The following ZBTB25 variants were observed in gnomAD, a reference collection of about 807,000 sequenced individuals.
The protein encoded by ZBTB25 is zinc finger and BTB domain-containing protein 25.
Under a neutral mutation model 34.2 loss-of-function variants are expected in ZBTB25, and 20 were observed. The ratio of observed to expected loss-of-function variants is 0.58; its 90% CI spans 0.41 to 0.85. ZBTB25 has a LOEUF of 0.85. Among genes scored for constraint, ZBTB25 ranks in the 40% least tolerant of loss-of-function variants. ZBTB25 has a pLI of 0.00. For missense variants in ZBTB25, 437 were observed against 521.8 expected, an observed-to-expected ratio of 0.84 and a Z score of 1.58; for synonymous variants, 175 against 186.4, an observed-to-expected ratio of 0.94 and a Z score of 0.50.
intron 1 of ZBTB25, 65 bp from the exon 2 acceptor site, chr14:64,490,605 T>C: frequency 7.2e-7 from 1 of 1,383,828 alleles, no homozygotes; most frequent in Non-Finnish European, 9.6e-7. Flanking sequence ...TTTTTATTAA[T>C]ACAAAATTGT....
At chr14:64,502,048 C>A (rs758469310) in intron 1 of ZBTB25, among the ~76,000 whole-genome samples, 1 of 152,188 alleles carries the variant, frequency 6.6e-6, no homozygotes, top group Admixed American at 6.5e-5. Flanking sequence ...TACCACAGCC[C>A]AGGTAATGAG....
chr14:64,472,845 T>C (rs1364833986), intron 2 of ZBTB25: 3 of 167,064 alleles, frequency 1.8e-5, no homozygotes, highest in Admixed American at 6.5e-5. Flanking sequence ...TATAAATAAG[T>C]TCTGTTTCAA....
exon 3 of ZBTB25, chr14:64,449,418 C>T (rs1566575634): frequency 6.2e-7 from 1 of 1,611,230 alleles, no homozygotes; most frequent in South Asian, 1.1e-5. Context: ...ATTTTCCATG[C>T]TTTGATATGA....
intron 1 of ZBTB25, chr14:64,502,920 G>C (rs991943595): frequency 1.0e-6 from 1 of 985,438 alleles, no homozygotes; most frequent in Non-Finnish European, 1.2e-6. Context: ...TCTTGTGAGA[G>C]GATCAACAGC....
intron 2 of ZBTB25, chr14:64,465,351 C>CT (rs2078599695): frequency 6.6e-6 from 1 of 152,174 alleles, no homozygotes; most frequent in African/African-American, 2.4e-5. Context: ...AGGCAGGCTG[C>CT]TGCTGCAGGT....
intron 2 of ZBTB25, among the ~76,000 whole-genome samples, chr14:64,452,513 G>A (rs961916576): frequency 6.6e-6 from 1 of 152,200 alleles, no homozygotes; most frequent in Non-Finnish European, 1.5e-5. Context: ...TTCTCTGAAG[G>A]CTTTGCCCCG....
At chr14:64,470,462 C>T (rs1256150) in intron 2 of ZBTB25, 27,680 of 157,408 alleles carry the variant, frequency 0.18, 2,602 homozygotes, top group Middle Eastern at 0.27. Flanking sequence ...TGGTGGTGCA[C>T]GCCTGTAATC....
rs978641405 is a variant in ZBTB25 at position 64,487,176 on chromosome 14, G to A, written c.1055C>T (p.Thr352Ile). 1.2e-6 allele frequency: 2 copies of A among 1,613,952 alleles called. No individual in the cohort carries two copies. Among genetic ancestry groups the A allele is most frequent in the Non-Finnish European group, 1.7e-6 (2 of 1,180,006 alleles). ...TCGAGGGAATTTATGACCACAGATG[G>A]TACAGCTCATTTTTCTTTTCCTTGA... ...SFSRKRKMSCTICGHKFPRKS... is the reference protein window; with the variant it reads ...SFSRKRKMSCIICGHKFPRKS... Residue 352 changes from threonine (T) to isoleucine (I), a missense_variant, in exon 3 of 3, where the codon ACC becomes ATC. Thr to Ile is a moderately conservative substitution (Grantham distance 89). Coordinates refer to ENST00000608382, the MANE Select transcript of ZBTB25 (RefSeq NM_006977.5).
chr14:64,503,627 G>A (rs1401872478), intron 1 of ZBTB25, 34 bp downstream of exon 1: 2 of 985,450 alleles, frequency 2.0e-6, no homozygotes, highest in Non-Finnish European at 2.4e-6. Flanking sequence ...ACTGAGCCCG[G>A]GGCAGCCCAC....
intron 1 of ZBTB25, 125 bp downstream of exon 1, chr14:64,503,536 C>T: frequency 1.0e-6 from 1 of 986,026 alleles, no homozygotes; most frequent in Non-Finnish European, 1.2e-6. Flanking sequence ...ACCAAAAACA[C>T]CCCTCTCCCC....
chr14:64,469,923 A>T (rs1004006264), intron 2 of ZBTB25: 2 of 360,576 alleles, frequency 5.5e-6, no homozygotes, highest in African/African-American at 4.3e-5. Flanking sequence ...ACATACAGGG[A>T]GTTGCTAAAA....
rs760130182 is a variant in ZBTB25, at chr14:64,454,823, G to A, written c.174-5185C>T. 51 of 1,614,012 alleles carry A rather than the reference G, an allele frequency of 3.2e-5. No individual in the cohort carries two copies. Among genetic ancestry groups the A allele is most frequent in the African/African-American group, 4.0e-5 (3 of 74,902 alleles). On this transcript the variant is annotated intron_variant, in intron 2 of 2. Transcript: ENST00000555220. ...CCTACAGGCTTCATTCTGCCCATTCGCGACATCCGCGCCAGCGTTGGGGCT... is the reference window on the plus strand; with the variant it reads ...CCTACAGGCTTCATTCTGCCCATTCACGACATCCGCGCCAGCGTTGGGGCT...
At chr14:64,453,695 G>C in intron 2 of ZBTB25, 1 of 1,028,422 alleles carries the variant, frequency 9.7e-7, no homozygotes, top group Non-Finnish European at 1.5e-6. Context: ...GCTATGTCCT[G>C]GTTAAATGTC....
chr14:64,462,967 T>G (rs1418795663), intron 2 of ZBTB25: 1 of 152,170 alleles, frequency 6.6e-6, no homozygotes, highest in Non-Finnish European at 1.5e-5. Context: ...GTAAGATCAG[T>G]AGAGTATTGC....
At chr14:64,455,670 A>C (rs58870286) in intron 2 of ZBTB25, among the ~76,000 whole-genome samples, 72 of 152,322 alleles carry the variant, frequency 4.7e-4, no homozygotes, top group African/African-American at 1.7e-3. Flanking sequence ...ACCAACATAC[A>C]TCCTTTTGGA....
rs1265676788 is a variant in ZBTB25, at chr14:64,484,177, T to C, written c.*2746A>G. Reference sequence around the variant, plus strand: ...CTAATATTAAAAGGAACTATAAGAATAGAAATACAGTTAACCACTATTTTC... The same window carrying C: ...CTAATATTAAAAGGAACTATAAGAACAGAAATACAGTTAACCACTATTTTC... On this transcript the variant is annotated 3_prime_UTR_variant, in exon 3 of 3. Coordinates refer to ENST00000608382, the MANE Select transcript of ZBTB25 (RefSeq NM_006977.5). 6.6e-6 allele frequency: 1 copy of C among 152,164 alleles called. No individual in the cohort carries two copies. 9.4% of individuals were successfully genotyped at this position (152,164 alleles called of 1,614,324 possible).
intron 2 of ZBTB25, among the ~76,000 whole-genome samples, chr14:64,451,207 T>C (rs2078366404): frequency 6.6e-6 from 1 of 152,120 alleles, no homozygotes; most frequent in African/African-American, 2.4e-5. Flanking sequence ...TTTCTTGTAG[T>C]GACTGGGTCT....
rs748890709 is a variant in ZBTB25 at position 64,449,425 on chromosome 14, A to G, written c.*126T>C. On this transcript the variant is annotated 3_prime_UTR_variant, in exon 3 of 3. Transcript: ENST00000555220. ...CTCCAGCCATTTTCCATGCTTTGAT[A>G]TGAAATGCTTCCTTTATAGGACGGA... is the stretch of plus-strand genomic sequence containing the variant. The G allele has an allele frequency of 1.1e-5, 17 of 1,612,110 alleles. No individual in the cohort carries two copies. The highest frequency in any genetic ancestry group is 1.4e-5 in the Non-Finnish European group (16 of 1,179,778).
intron 2 of ZBTB25, among the ~76,000 whole-genome samples, chr14:64,451,208 G>A (rs927671769): frequency 2.0e-4 from 31 of 152,042 alleles, no homozygotes; most frequent in African/African-American, 7.2e-4. Context: ...TTCTTGTAGT[G>A]ACTGGGTCTC....
Sources: allele counts gnomAD v4.1 joint callset (sites outside exome capture counted in the v4.1 genomes callset), GRCh38; gene constraint gnomAD v4.1.1; transcripts MANE v1.5; gene names NCBI Gene and HGNC (gene_info 2026-07-23, HGNC 2026-07-21).